Variants in SBF2 observed in about 807,000 individuals in gnomAD.
SBF2 encodes myotubularin-related protein 13.
In SBF2, 112 loss-of-function variants were observed where a neutral mutation model predicts 225.2. The observed-to-expected ratio is 0.50, with a 90% CI of 0.43 to 0.58. SBF2 has a LOEUF of 0.58. Among genes scored for constraint, SBF2 ranks in the 20% least tolerant of loss-of-function variants. The pLI is 0.00. For synonymous variants in SBF2, 763 were observed against 773.3 expected, an observed-to-expected ratio of 0.99 and a Z score of 0.22; for missense variants, 1,996 against 2,206.2, an observed-to-expected ratio of 0.90 and a Z score of 1.91.
intron 28 of SBF2, among the ~76,000 whole-genome samples, chr11:9,818,950 G>A (rs984283347): frequency 6.6e-6 from 1 of 152,000 alleles, no homozygotes; most frequent in Non-Finnish European, 1.5e-5. Context: ...TTGAACTCCC[G>A]ACCTCAGGTG....
chr11:10,018,520 C>T (rs975290544), intron 6 of SBF2, among the ~76,000 whole-genome samples: 4 of 152,106 alleles, frequency 2.6e-5, no homozygotes, highest in East Asian at 1.9e-4. Flanking sequence ...CAAGGAAGAA[C>T]GATACCTAAT....
At position 9,909,002 on chromosome 11, in the gene SBF2, T is replaced by C. The variant is rs1292668415; in HGVS notation, c.1861-12991A>G. On this transcript the variant is annotated intron_variant, in intron 16 of 39. Coordinates refer to ENST00000256190, the MANE Select transcript of SBF2 (RefSeq NM_030962.4). ...CATACCCAGCCTATTCTTTACTTTG[T>C]ATTAAAATTATGTATACTGCATATC... is the stretch of plus-strand genomic sequence containing the variant. Among the ~76,000 whole-genome samples the C allele has an allele frequency of 3.9e-5, 6 of 152,070 alleles. No individual in the cohort carries two copies. In the East Asian group the frequency reaches 7.7e-4, roughly 20 times the overall value.
intron 2 of SBF2, among the ~76,000 whole-genome samples, chr11:10,140,975 T>C (rs1053198612): frequency 1.3e-5 from 2 of 151,984 alleles, no homozygotes; most frequent in Admixed American, 1.3e-4. Context: ...AAGCAAATCA[T>C]GATTGGAGGT....
At chr11:10,063,858 C>CACAGAGAGAGAGAGAGAGAGAGAGAG (rs373423157) in intron 2 of SBF2, among the ~76,000 whole-genome samples, 33 of 136,226 alleles carry the variant, frequency 2.4e-4, no homozygotes, top group Non-Finnish European at 3.9e-4. Context: ...CACACACACA[C>CACAGAGAGAGAGAGAGAGAGAGAGAG]AGAGAGAGAG....
intron 1 of SBF2, among the ~76,000 whole-genome samples, chr11:10,225,606 A>G (rs1697125897): frequency 6.6e-6 from 1 of 152,140 alleles, no homozygotes; most frequent in African/African-American, 2.4e-5. Flanking sequence ...TAGATGACAC[A>G]CCATTTTCAA....
intron 2 of SBF2, among the ~76,000 whole-genome samples, chr11:10,173,060 C>A (rs1417532519): frequency 6.6e-6 from 1 of 152,206 alleles, no homozygotes; most frequent in Non-Finnish European, 1.5e-5. Flanking sequence ...CAAAATTCCT[C>A]TTTATTGATG....
intron 13 of SBF2, among the ~76,000 whole-genome samples, chr11:9,985,667 G>C (rs563393883): frequency 1.3e-5 from 2 of 152,284 alleles, no homozygotes; most frequent in East Asian, 3.9e-4. Context: ...TAAAGCAACA[G>C]TGGTTAAAAA....
At chr11:10,106,656 C>T (rs1234041517) in intron 2 of SBF2, among the ~76,000 whole-genome samples, 4 of 141,426 alleles carry the variant, frequency 2.8e-5, no homozygotes, top group Non-Finnish European at 6.2e-5. Flanking sequence ...AAAACCCACA[C>T]AATTAAAAAA....
chr11:9,984,907 C>T (rs975121957), intron 13 of SBF2, among the ~76,000 whole-genome samples: 16 of 152,178 alleles, frequency 1.1e-4, no homozygotes, highest in South Asian at 1.0e-3. Context: ...TACCAAACCA[C>T]CACTACAAGA....
chr11:10,099,066 C>T (rs1466977332), intron 2 of SBF2, among the ~76,000 whole-genome samples: 1 of 151,948 alleles, frequency 6.6e-6, no homozygotes, highest in East Asian at 1.9e-4. Flanking sequence ...ATAAATAATG[C>T]CTTAAAACTA....
Position 9,808,070 on chromosome 11 carries a change from C to T in SBF2, c.4373G>A (p.Ser1458Asn), listed in dbSNP as rs1343934459. Residue 1458 changes from serine to asparagine, a missense_variant, in exon 32 of 40, where the codon AGC (serine) becomes AAC (asparagine). Ser to Asn is a conservative substitution (Grantham distance 46). Transcript: ENST00000256190. ...ACTCCCCTGACAGTTGAGGGTCAAGCTGCTCCTCTGACTGAATTTGTGACC... is the reference window on the plus strand; with the variant it reads ...ACTCCCCTGACAGTTGAGGGTCAAGTTGCTCCTCTGACTGAATTTGTGACC... ...SFGHKFSQRS[S>N]LTLNCQGSGF... 121 of 1,614,084 alleles carry T rather than the reference C, an allele frequency of 7.5e-5. No individual in the cohort carries two copies. The highest frequency in any genetic ancestry group is 1.0e-4 in the Non-Finnish European group (120 of 1,180,038).
In SBF2 at chr11:10,267,534, T is replaced by C. The variant is rs141735744; in HGVS notation, c.55+26481A>G. Among the ~76,000 whole-genome samples, 258 of 152,178 alleles carry C rather than the reference T, an allele frequency of 1.7e-3. 1 individual carries two copies. The highest frequency in any genetic ancestry group is 5.7e-3 in the African/African-American group (237 of 41,530). ...GTGGCAAGTTTCTGACTTGAGCGAA[T>C]GGCCAAGGGGAAGAGGTTTGAATGA... On this transcript the variant is annotated intron_variant, in intron 1 of 39. Coordinates refer to ENST00000256190, the MANE Select transcript of SBF2 (RefSeq NM_030962.4).
At chr11:9,824,498 A>G (rs555677537) in intron 28 of SBF2, among the ~76,000 whole-genome samples, 3 of 151,552 alleles carry the variant, frequency 2.0e-5, no homozygotes, top group East Asian at 3.9e-4. Flanking sequence ...CTGAGGTTGC[A>G]GTGAGCCAAG....
intron 2 of SBF2, among the ~76,000 whole-genome samples, chr11:10,067,194 CT>C (rs1326014461): frequency 6.6e-6 from 1 of 152,044 alleles, no homozygotes; most frequent in Non-Finnish European, 1.5e-5. Context: ...CAAAACACTG[CT>C]GAGGAAAACT....
At chr11:9,984,216 A>G (rs1947092635) in intron 13 of SBF2, among the ~76,000 whole-genome samples, 1 of 152,206 alleles carries the variant, frequency 6.6e-6, no homozygotes, top group Non-Finnish European at 1.5e-5. Context: ...TCATAGAAAT[A>G]GATAGCTTAA....
chr11:9,820,960 A>G (rs1051226739), intron 28 of SBF2, among the ~76,000 whole-genome samples: 1 of 152,242 alleles, frequency 6.6e-6, no homozygotes, highest in Non-Finnish European at 1.5e-5. Context: ...AGATGAATAC[A>G]TAATTGACTA....
chr11:9,804,215 A>C (rs146908754), intron 32 of SBF2, among the ~76,000 whole-genome samples: 80 of 152,348 alleles, frequency 5.3e-4, no homozygotes, highest in African/African-American at 1.8e-3. Context: ...GAAACACTGA[A>C]AATAGCATGG....
rs138850562 is a variant in SBF2 at position 9,784,384 on chromosome 11, G to A, written c.5286C>T (p.Pro1762=). The stretch of plus-strand genomic sequence containing the variant: ...TTGTTACATCCAAAACAAACCAACG[G>A]GGCTTCCAACCTTTCAGCAAAGCCC... ...KRGALLKGWK[P]RWFVLDVTKH... Residue 1762 remains proline (P), a synonymous_variant, in exon 38 of 40, where the codon CCC becomes CCT. Transcript: ENST00000256190. The A allele has an allele frequency of 3.1e-6, 5 of 1,613,988 alleles. No homozygotes were observed. Among genetic ancestry groups the A allele is most frequent in the Non-Finnish European group, 4.2e-6 (5 of 1,179,978 alleles).
At chr11:10,254,315 GC>G (rs1960651121) in intron 1 of SBF2, among the ~76,000 whole-genome samples, 1 of 151,562 alleles carries the variant, frequency 6.6e-6, no homozygotes, top group Non-Finnish European at 1.5e-5. Context: ...GACTGCTTGA[GC>G]TCAGGAGGTC....
Sources: allele counts gnomAD v4.1 joint callset (sites outside exome capture counted in the v4.1 genomes callset), GRCh38; gene constraint gnomAD v4.1.1; transcripts MANE v1.5; gene names NCBI Gene and HGNC (gene_info 2026-07-23, HGNC 2026-07-21).